COL8A1: variants seen among roughly 807,000 people sequenced by gnomAD.
COL8A1 encodes collagen alpha-1(VIII) chain.
Under a neutral mutation model 42.7 loss-of-function variants are expected in COL8A1, and 21 were observed. The observed-to-expected ratio is 0.49, with a 90% CI of 0.35 to 0.71. COL8A1 has a LOEUF of 0.71. Among genes scored for constraint, COL8A1 ranks in the 30% least tolerant of loss-of-function variants. The pLI is 0.01. For synonymous variants in COL8A1, 367 were observed against 369.1 expected (o/e 0.99, Z 0.06); for missense variants, 788 against 962.4 (o/e 0.82, Z 2.40).
intron 1 of COL8A1, among the ~76,000 whole-genome samples, chr3:99,728,098 C>G (rs1350745083): frequency 6.6e-6 from 1 of 151,784 alleles, no homozygotes; most frequent in Non-Finnish European, 1.5e-5. Flanking sequence ...GGGATACCCT[C>G]TCTCACCACT....
intron 1 of COL8A1, among the ~76,000 whole-genome samples, chr3:99,659,023 T>C (rs561917478): frequency 6.6e-6 from 1 of 152,292 alleles, no homozygotes; most frequent in African/African-American, 2.4e-5. Flanking sequence ...TAGGTGATTC[T>C]TACGCATCCT....
intron 2 of COL8A1, among the ~76,000 whole-genome samples, chr3:99,783,823 G>C (rs1460149288): frequency 6.6e-6 from 1 of 152,040 alleles, no homozygotes; most frequent in East Asian, 1.9e-4. Context: ...AATAGCACAG[G>C]GTAATCCACT....
At chr3:99,669,266 A>G (rs762853567) in intron 1 of COL8A1, among the ~76,000 whole-genome samples, 8 of 151,848 alleles carry the variant, frequency 5.3e-5, no homozygotes, top group Non-Finnish European at 1.0e-4. Context: ...TGTGACAGAG[A>G]AAAGCACAGG....
intron 1 of COL8A1, among the ~76,000 whole-genome samples, chr3:99,658,647 A>G (rs1938105381): frequency 6.6e-6 from 1 of 152,232 alleles, no homozygotes; most frequent in Admixed American, 6.5e-5. Context: ...AAGGAAGGAT[A>G]ACAAATGATA....
intron 1 of COL8A1, among the ~76,000 whole-genome samples, chr3:99,663,536 C>T (rs927076073): frequency 1.3e-5 from 2 of 151,902 alleles, no homozygotes; most frequent in Non-Finnish European, 2.9e-5. Flanking sequence ...TTTGTCTTTT[C>T]GCTGTGGTAA....
intron 3 of COL8A1, among the ~76,000 whole-genome samples, chr3:99,793,753 TTA>T (rs1942046355): frequency 6.6e-6 from 1 of 152,208 alleles, no homozygotes; most frequent in African/African-American, 2.4e-5. Context: ...TCTTATTTAT[TTA>T]TTTTTTTCCT....
chr3:99,772,031 C>G (rs34886851), intron 2 of COL8A1, among the ~76,000 whole-genome samples: 12,085 of 152,272 alleles, frequency 0.079, 575 homozygotes, highest in Middle Eastern at 0.11. Flanking sequence ...TACTACCTAG[C>G]AAAGCCCACA....
intron 1 of COL8A1, among the ~76,000 whole-genome samples, chr3:99,735,773 T>C (rs1416935816): frequency 6.6e-6 from 1 of 152,028 alleles, no homozygotes; most frequent in Non-Finnish European, 1.5e-5. Context: ...TGTGAATCCA[T>C]CTGGTCCTGG....
chr3:99,780,676 A>C (rs1941777444), intron 2 of COL8A1, among the ~76,000 whole-genome samples: 1 of 152,230 alleles, frequency 6.6e-6, no homozygotes, highest in Non-Finnish European at 1.5e-5. Flanking sequence ...TTGCTCATAA[A>C]AAGAAAAGTC....
intron 1 of COL8A1, among the ~76,000 whole-genome samples, chr3:99,655,709 T>C (rs142299244): frequency 2.5e-3 from 384 of 152,354 alleles, no homozygotes; most frequent in Non-Finnish European, 4.5e-3. Flanking sequence ...GCTCAGAGAA[T>C]AAAAGACAAT....
chr3:99,734,674 C>G (rs1940644288), intron 1 of COL8A1, among the ~76,000 whole-genome samples: 1 of 151,772 alleles, frequency 6.6e-6, no homozygotes, highest in Admixed American at 6.6e-5. Context: ...TAGTTTTTTC[C>G]AATTCTGTGA....
At chr3:99,689,085 T>C (rs933237039) in intron 1 of COL8A1, among the ~76,000 whole-genome samples, 2 of 152,178 alleles carry the variant, frequency 1.3e-5, no homozygotes, top group African/African-American at 4.8e-5. Context: ...AGGCAATAAC[T>C]CTTAGAAAGC....
chr3:99,681,505 G>A (rs571398135), intron 1 of COL8A1, among the ~76,000 whole-genome samples: 1 of 152,188 alleles, frequency 6.6e-6, no homozygotes, highest in Non-Finnish European at 1.5e-5. Flanking sequence ...GTTTAAAGGA[G>A]GTAGAAAGAG....
chr3:99,719,185 A>G (rs1323820456), intron 1 of COL8A1, among the ~76,000 whole-genome samples: 2 of 152,130 alleles, frequency 1.3e-5, no homozygotes, highest in African/African-American at 4.8e-5. Context: ...GTAGACATTC[A>G]GTAATATTAG....
intron 1 of COL8A1, among the ~76,000 whole-genome samples, chr3:99,661,353 A>G (rs1407636148): frequency 6.6e-6 from 1 of 152,212 alleles, no homozygotes; most frequent in Non-Finnish European, 1.5e-5. Flanking sequence ...GCACATGAAA[A>G]TATGTTCAAC....
chr3:99,717,126 A>G (rs1199882850), intron 1 of COL8A1, among the ~76,000 whole-genome samples: 2 of 152,010 alleles, frequency 1.3e-5, no homozygotes, highest in Admixed American at 1.3e-4. Flanking sequence ...AAGTTAAGTG[A>G]ATTTAAGAAA....
chr3:99,642,730 A>C (rs886546912), intron 1 of COL8A1, among the ~76,000 whole-genome samples: 1 of 152,222 alleles, frequency 6.6e-6, no homozygotes, highest in Admixed American at 6.5e-5. Context: ...TTCTCATAGA[A>C]CAAGTTTCTA....
At chr3:99,661,863 A>C (rs183081865) in intron 1 of COL8A1, among the ~76,000 whole-genome samples, 2 of 152,254 alleles carry the variant, frequency 1.3e-5, no homozygotes, top group African/African-American at 4.8e-5. Context: ...GGCCAGTCAC[A>C]AAATGACAAA....
At position 99,796,350 on chromosome 3, in the gene COL8A1, A is replaced by G. The variant is rs79729254; in HGVS notation, c.*214A>G. On this transcript the variant is annotated 3_prime_UTR_variant, in exon 4 of 4. Transcript: ENST00000652472. ...CCTGTAATTGCGAATGATGGGATAGAGTTATGTATCAAGTACTGACACTTG... is the reference window on the plus strand; with the variant it reads ...CCTGTAATTGCGAATGATGGGATAGGGTTATGTATCAAGTACTGACACTTG... 4.3e-3 allele frequency: 1,906 copies of G among 439,276 alleles called. 39 individuals are homozygous for G. Among genetic ancestry groups the G allele is most frequent in the African/African-American group, 0.033 (1,694 of 51,438 alleles). 27.2% of individuals were successfully genotyped at this position (439,276 alleles called of 1,614,324 possible). A position where few individuals can be genotyped will look rare whatever the true frequency, so the allele number is the denominator to read the frequency against.
Sources: gnomAD v4.1 joint callset for allele counts (sites outside exome capture counted in the v4.1 genomes callset) on GRCh38, gnomAD v4.1.1 for gene constraint, MANE v1.5 for transcripts, NCBI Gene and HGNC (gene_info 2026-07-23, HGNC 2026-07-21) for gene names.